The following SYNJ2 variants were observed in gnomAD, a reference collection of about 807,000 sequenced individuals.
The protein encoded by SYNJ2 is synaptojanin 2, also known as polyphosphatidylinositol phosphatase SYNJ2.
SYNJ2 carries 116 observed loss-of-function variants against 141.3 expected under a neutral mutation model. The ratio of observed to expected loss-of-function variants is 0.82; its 90% CI spans 0.71 to 0.96. The LOEUF is 0.96. Among genes scored for constraint, SYNJ2 ranks in the 40% least tolerant of loss-of-function variants. SYNJ2 has a pLI of 0.00. For missense variants in SYNJ2, 1,873 were observed against 1,934.8 expected, an observed-to-expected ratio of 0.97 and a Z score of 0.60; for synonymous variants, 745 against 777.7, an observed-to-expected ratio of 0.96 and a Z score of 0.70.
chr6:158,000,064 C>CTTTTTTTTTTTTTTTTTTTTTTT (rs58284240), intron 1 of SYNJ2, among the ~76,000 whole-genome samples: 1 of 85,572 alleles, frequency 1.2e-5, no homozygotes, highest in South Asian at 3.4e-4. Flanking sequence ...AGCCAAAAGG[C>CTTTTTTTTTTTTTTTTTTTTTTT]TTTTTTTTTT....
Position 158,069,534 on chromosome 6 carries a change from A to G in SYNJ2, c.1801A>G (p.Thr601Ala), listed in dbSNP as rs754366975. ...LSAGNIVNASTTNKKMWGEQL... is the reference protein window; with the variant it reads ...LSAGNIVNASATNKKMWGEQL... ...GCATCCTTTCCTTTTCTCTTCCAGT[A>G]CTACCAACAAGAAGATGTGGGGTGA... The change falls in exon 14 of 27, where the codon ACT (threonine) becomes GCT (alanine). Residue 601 changes from threonine to alanine, a missense_variant and splice_region_variant. By Grantham distance (58) the Thr-to-Ala change is moderately conservative (BLOSUM62 0). Transcript: ENST00000355585. 6.2e-7 allele frequency: 1 copy of G among 1,612,202 alleles called. No individual in the cohort carries two copies. The highest frequency in any genetic ancestry group is 1.7e-5 in the Admixed American group (1 of 59,822).
At chr6:157,996,055 C>A (rs554483336) in intron 1 of SYNJ2, among the ~76,000 whole-genome samples, 2 of 152,190 alleles carry the variant, frequency 1.3e-5, no homozygotes, top group African/African-American at 2.4e-5. Flanking sequence ...ATGAGTAAAT[C>A]CAATTAAATT....
chr6:158,057,034 C>T (rs1780908221), intron 6 of SYNJ2, among the ~76,000 whole-genome samples: 1 of 151,988 alleles, frequency 6.6e-6, no homozygotes, highest in African/African-American at 2.4e-5. Context: ...AGTCTCTCCT[C>T]ACAGGACAGT....
At chr6:158,077,383 C>CT (rs1390710314) in intron 17 of SYNJ2, among the ~76,000 whole-genome samples, 2 of 152,208 alleles carry the variant, frequency 1.3e-5, no homozygotes, top group African/African-American at 2.4e-5. Context: ...ACCCCCACCT[C>CT]TTTTTTCTGG....
At chr6:158,032,545 G>A (rs950162255) in intron 3 of SYNJ2, among the ~76,000 whole-genome samples, 2 of 152,182 alleles carry the variant, frequency 1.3e-5, no homozygotes, top group African/African-American at 4.8e-5. Context: ...GTGGTCGTTC[G>A]CAGGTGCACA....
intron 21 of SYNJ2, 48 bp downstream of exon 21, chr6:158,083,645 A>G: frequency 6.2e-7 from 1 of 1,609,184 alleles, no homozygotes; most frequent in South Asian, 1.1e-5. Flanking sequence ...TTCTAGCAAC[A>G]GGCCTGAGCT....
Position 158,064,770 on chromosome 6 carries a change from G to A in SYNJ2, c.1359+20G>A, listed in dbSNP as rs1273701254. 2 of 1,612,580 alleles carry A rather than the reference G, an allele frequency of 1.2e-6. No individual in the cohort carries two copies. Among genetic ancestry groups the A allele is most frequent in the East Asian group, 2.2e-5 (1 of 44,840 alleles). On this transcript the variant is annotated intron_variant, in intron 10 of 26. Transcript: ENST00000355585. ...GCCAAGGTAGGGCCCCGCCGAGGGG[G>A]CAGGGTGGGGGCCCCAGGGACCCCC...
chr6:158,006,201 G>A, intron 1 of SYNJ2, among the ~76,000 whole-genome samples: 1 of 151,190 alleles, frequency 6.6e-6, no homozygotes. Context: ...ATGCACATAT[G>A]CACACGCACA....
chr6:158,047,787 A>C (rs1037901487), intron 5 of SYNJ2, among the ~76,000 whole-genome samples: 5 of 146,832 alleles, frequency 3.4e-5, no homozygotes, highest in African/African-American at 1.3e-4. Flanking sequence ...AAAAAAAAAA[A>C]AAAAAAAAAA....
At position 158,095,784 on chromosome 6, in the gene SYNJ2, G is replaced by T; in HGVS notation, c.3911G>T (p.Arg1304Met). 1 of 1,614,202 alleles carries T rather than the reference G, an allele frequency of 6.2e-7. No individual in the cohort carries two copies. The highest frequency in any genetic ancestry group is 1.3e-5 in the African/African-American group (1 of 75,038). ...AAAGCTGCAGAGAGGCCAAGCCACA[G>T]GAAGCCAGCATCAGACGAAGCCCCT... The part of the protein sequence containing the change: ...PGKAAERPSH[R>M]KPASDEAPPG... Residue 1304 changes from arginine (R) to methionine (M), a missense_variant, in exon 27 of 27, where the codon AGG (arginine) becomes ATG (methionine). Coordinates refer to ENST00000355585, the MANE Select transcript of SYNJ2 (RefSeq NM_003898.4).
At chr6:158,010,645 A>G (rs560298104) in intron 1 of SYNJ2, among the ~76,000 whole-genome samples, 109 of 152,292 alleles carry the variant, frequency 7.2e-4, no homozygotes, top group African/African-American at 2.5e-3. Flanking sequence ...AACCCCCGGG[A>G]CCTCAGAAGG....
Position 158,025,592 on chromosome 6 carries a change from G to A in SYNJ2, c.215-3164G>A, listed in dbSNP as rs529900276. ...AGAGAATTACTTGAACCCAGGAGGCGGAGGTAGCAGTGAGCTGAGATTGCA... is the reference window on the plus strand; with the variant it reads ...AGAGAATTACTTGAACCCAGGAGGCAGAGGTAGCAGTGAGCTGAGATTGCA... On this transcript the variant is annotated intron_variant, in intron 2 of 26. Coordinates refer to ENST00000355585, the MANE Select transcript of SYNJ2 (RefSeq NM_003898.4). Among the ~76,000 whole-genome samples, 12 of 152,050 alleles carry A rather than the reference G, an allele frequency of 7.9e-5. No individual in the cohort carries two copies. The South Asian group carries it at 1.2e-3, about 16-fold the overall frequency.
At chr6:158,003,969 C>A (rs1319402941) in intron 1 of SYNJ2, among the ~76,000 whole-genome samples, 2 of 152,198 alleles carry the variant, frequency 1.3e-5, no homozygotes, top group South Asian at 2.1e-4. Context: ...CAAGGATAAG[C>A]CTATTCCTTA....
At position 158,004,243 on chromosome 6, in the gene SYNJ2, G is replaced by C. The variant is rs140574990; in HGVS notation, c.128-12961G>C. On this transcript the variant is annotated intron_variant, in intron 1 of 26. Coordinates refer to ENST00000355585, the MANE Select transcript of SYNJ2 (RefSeq NM_003898.4). Reference sequence around the variant, plus strand: ...CTGGGCTGCATTCCCAGGAGGTTAGGCATTCTTAGCCACAGGATGAGATAA... The same window carrying C: ...CTGGGCTGCATTCCCAGGAGGTTAGCCATTCTTAGCCACAGGATGAGATAA... Among the ~76,000 whole-genome samples, 24 of 152,174 alleles carry C rather than the reference G, an allele frequency of 1.6e-4. 2 individuals are homozygous for C. In the East Asian group the frequency reaches 4.6e-3, roughly 29 times the overall value.
intron 2 of SYNJ2, among the ~76,000 whole-genome samples, chr6:158,019,760 G>C (rs189576073): frequency 6.6e-6 from 1 of 152,344 alleles, no homozygotes; most frequent in East Asian, 1.9e-4. Flanking sequence ...TCTGAGTGTG[G>C]TGTGTATGAG....
intron 7 of SYNJ2, among the ~76,000 whole-genome samples, chr6:158,060,734 A>G (rs1442140004): frequency 1.3e-5 from 2 of 152,244 alleles, no homozygotes; most frequent in African/African-American, 4.8e-5. Context: ...TAAGAATAAT[A>G]ATAAGAACCC....
chr6:158,064,783 C>G, intron 10 of SYNJ2, 33 bp downstream of exon 10: 6 of 1,611,434 alleles, frequency 3.7e-6, no homozygotes, highest in Non-Finnish European at 5.1e-6. Context: ...GGGTGGGGGC[C>G]CCAGGGACCC....
chr6:158,045,690 T>C (rs1207159513), intron 5 of SYNJ2, among the ~76,000 whole-genome samples: 1 of 152,144 alleles, frequency 6.6e-6, no homozygotes, highest in African/African-American at 2.4e-5. Flanking sequence ...AGACTCTCAA[T>C]GTTCTCATCT....
intron 4 of SYNJ2, among the ~76,000 whole-genome samples, chr6:158,034,279 A>T (rs1779524195): frequency 6.6e-6 from 1 of 152,154 alleles, no homozygotes; most frequent in Non-Finnish European, 1.5e-5. Context: ...TTTTTGCTCT[A>T]ACTTGCAATC....
Sources: allele counts gnomAD v4.1 joint callset (sites outside exome capture counted in the v4.1 genomes callset), GRCh38; gene constraint gnomAD v4.1.1; transcripts MANE v1.5; gene names NCBI Gene and HGNC (gene_info 2026-07-23, HGNC 2026-07-21).